The following HDAC4 variants were observed in gnomAD, a reference collection of about 807,000 sequenced individuals.
HDAC4 encodes the protein histone deacetylase 4.
HDAC4 carries 16 observed loss-of-function variants against 135.1 expected under a neutral mutation model. The ratio of observed to expected loss-of-function variants is 0.12; its 90% CI spans 0.08 to 0.18. HDAC4 has a LOEUF of 0.18. HDAC4 is among the 10% of genes least tolerant of loss of function. The pLI is 1.00. For synonymous variants in HDAC4, 685 were observed against 653.4 expected (o/e 1.05, Z -0.74); for missense variants, 1,143 against 1,511.8 (o/e 0.76, Z 4.05).
chr2:239,089,291 A>AT (rs1559404012), intron 18 of HDAC4, among the ~76,000 whole-genome samples: 1 of 152,208 alleles, frequency 6.6e-6, no homozygotes, highest in African/African-American at 2.4e-5. Flanking sequence ...GTCCACAGGC[A>AT]AGACATTAGT....
At chr2:239,236,834 T>C (rs78143133) in intron 2 of HDAC4, among the ~76,000 whole-genome samples, 170 bp from the exon 3 acceptor site, 2 of 69,734 alleles carry the variant, frequency 2.9e-5, no homozygotes, top group Non-Finnish European at 5.0e-5. Flanking sequence ...TATTTGCCAA[T>C]GTAGAATAAT....
chr2:239,096,544 TGCCCACGCCCCCCACAGAC>T (rs1182002883), intron 16 of HDAC4, among the ~76,000 whole-genome samples: 1 of 53,748 alleles, frequency 1.9e-5, no homozygotes, highest in Admixed American at 2.9e-4. Context: ...CCCCCACGGA[TGCCCACGCCCCCCACAGAC>T]GCCTACACCC....
intron 11 of HDAC4, among the ~76,000 whole-genome samples, chr2:239,129,304 T>C (rs1431179010): frequency 6.6e-6 from 1 of 152,200 alleles, no homozygotes; most frequent in Non-Finnish European, 1.5e-5. Flanking sequence ...TTTGGATCCC[T>C]GAGATCATTA....
chr2:239,246,202 C>T (rs906379331), intron 2 of HDAC4, among the ~76,000 whole-genome samples: 1 of 152,162 alleles, frequency 6.6e-6, no homozygotes, highest in Non-Finnish European at 1.5e-5. Flanking sequence ...AGGCAGAGCC[C>T]GGTGGGGAGG....
intron 9 of HDAC4, among the ~76,000 whole-genome samples, chr2:239,138,005 A>G (rs1047025665): frequency 3.3e-5 from 5 of 152,230 alleles, no homozygotes; most frequent in Non-Finnish European, 7.3e-5. Flanking sequence ...ATTAACTACC[A>G]TGTACATAAG....
intron 5 of HDAC4, among the ~76,000 whole-genome samples, chr2:239,171,169 C>CAAAAAAAAAAAAAAAAAAAAAAA (rs34204026): frequency 1.7e-5 from 2 of 114,384 alleles, no homozygotes; most frequent in Non-Finnish European, 3.7e-5. Context: ...ACAATCTGAC[C>CAAAAAAAAAAAAAAAAAAAAAAA]AAAAAAAAAA....
At chr2:239,259,612 T>C (rs886704624) in intron 2 of HDAC4, among the ~76,000 whole-genome samples, 1 of 152,216 alleles carries the variant, frequency 6.6e-6, no homozygotes, top group African/African-American at 2.4e-5. Context: ...CGGGTTCCAC[T>C]TCAAAGGCTT....
At chr2:239,147,454 G>A (rs1190485894) in intron 7 of HDAC4, among the ~76,000 whole-genome samples, 1 of 152,282 alleles carries the variant, frequency 6.6e-6, no homozygotes, top group Non-Finnish European at 1.5e-5. Context: ...CAGCCAAAGT[G>A]GAAGATGCAG....
At chr2:239,345,903 C>CA (rs1692607975) in intron 2 of HDAC4, among the ~76,000 whole-genome samples, 1 of 150,574 alleles carries the variant, frequency 6.6e-6, no homozygotes, top group African/African-American at 2.5e-5. Context: ...CACACACACA[C>CA]CCCCATCTCA....
chr2:239,351,445 A>G (rs1196266685), intron 2 of HDAC4, among the ~76,000 whole-genome samples: 1 of 152,230 alleles, frequency 6.6e-6, no homozygotes, highest in East Asian at 1.9e-4. Context: ...AGACACAGAA[A>G]AAAGATACAC....
rs961773813 is a variant in HDAC4 at position 239,233,098 on chromosome 2, T to C, written c.94+3495A>G. On this transcript the variant is annotated intron_variant, in intron 3 of 26. Coordinates refer to ENST00000543185, the MANE Select transcript of HDAC4 (RefSeq NM_001378414.1). ...CAAAGATGGAATAATACTAACAACA[T>C]GTCTGTTATATCTTAGTGGTAGGCA... Among the ~76,000 whole-genome samples, 32 of 152,362 alleles carry C rather than the reference T, an allele frequency of 2.1e-4. 1 individual carries two copies. Among genetic ancestry groups the C allele is most frequent in the Admixed American group, 1.0e-3 (16 of 15,310 alleles).
chr2:239,292,599 A>C lies in HDAC4; in HGVS notation c.23-55935T>G, dbSNP rs576216185. Among the ~76,000 whole-genome samples the C allele has an allele frequency of 2.3e-4, 35 of 152,336 alleles. No individual in the cohort carries two copies. In the South Asian group the frequency reaches 6.2e-3, roughly 27 times the overall value. Reference sequence around the variant, plus strand: ...TGCATCTCTTTACTTCCAGAAAAGCAAGTCAATATATCCTATCTGGGAACT... The same window carrying C: ...TGCATCTCTTTACTTCCAGAAAAGCCAGTCAATATATCCTATCTGGGAACT... On this transcript the variant is annotated intron_variant, in intron 2 of 26. Transcript: ENST00000543185.
chr2:239,077,469 C>T (rs1377624013), intron 22 of HDAC4, among the ~76,000 whole-genome samples: 1 of 152,270 alleles, frequency 6.6e-6, no homozygotes, highest in African/African-American at 2.4e-5. Context: ...GCCGGCTCCA[C>T]TGTTCGCTTC....
intron 22 of HDAC4, among the ~76,000 whole-genome samples, chr2:239,070,234 C>T (rs1219984508): frequency 1.3e-5 from 2 of 152,228 alleles, no homozygotes; most frequent in Non-Finnish European, 2.9e-5. Flanking sequence ...AACACCAACA[C>T]ACACAGGTGT....
intron 12 of HDAC4, among the ~76,000 whole-genome samples, chr2:239,122,463 A>G (rs922559141): frequency 6.6e-5 from 10 of 152,138 alleles, no homozygotes; most frequent in African/African-American, 1.9e-4. Flanking sequence ...TCCAAGGTCC[A>G]CTCGCCCTCT....
chr2:239,208,095 G>A (rs1055043091), intron 3 of HDAC4, among the ~76,000 whole-genome samples: 3 of 151,984 alleles, frequency 2.0e-5, no homozygotes, highest in Non-Finnish European at 4.4e-5. Context: ...GGCTGAGACA[G>A]GCGGATCACG....
chr2:239,151,667 A>G (rs1255249628), intron 7 of HDAC4, among the ~76,000 whole-genome samples: 2 of 152,182 alleles, frequency 1.3e-5, no homozygotes, highest in Non-Finnish European at 2.9e-5. Context: ...CCTCCTCCCA[A>G]TTCACACCCA....
Position 239,285,306 on chromosome 2 carries a change from G to A in HDAC4, c.23-48642C>T, listed in dbSNP as rs1446993288. ...GATCCCTGCTGGGAGTGGAGAACGCGCCGCGGCTGGGCCCCCAAGTTCGCG... is the reference window on the plus strand; with the variant it reads ...GATCCCTGCTGGGAGTGGAGAACGCACCGCGGCTGGGCCCCCAAGTTCGCG... On this transcript the variant is annotated intron_variant, in intron 2 of 26. Coordinates refer to ENST00000543185, the MANE Select transcript of HDAC4 (RefSeq NM_001378414.1). The surrounding 1 kb of genome is among the most constrained non-coding windows in gnomAD (Gnocchi z 4.5). 6.6e-6 allele frequency among the ~76,000 whole-genome samples: 1 copy of A among 152,182 alleles called. No individual in the cohort carries two copies. The highest frequency in any genetic ancestry group is 1.9e-4 in the East Asian group (1 of 5,196).
At position 239,370,726 on chromosome 2, in the gene HDAC4, G is replaced by T. The variant is rs147117212; in HGVS notation, c.-219-17808C>A. ...ACCTGCAGCCCTGCGGCGCCTGGAG[G>T]AGCCGAGCAGAGGAGCTGGTTGAGC... On this transcript the variant is annotated intron_variant, in intron 1 of 26. Coordinates refer to ENST00000543185, the MANE Select transcript of HDAC4 (RefSeq NM_001378414.1). 2.0e-5 allele frequency among the ~76,000 whole-genome samples: 3 copies of T among 152,242 alleles called. No individual in the cohort carries two copies. In the East Asian group the frequency reaches 5.8e-4, roughly 29 times the overall value.
Sources: gnomAD v4.1 joint callset for allele counts (sites outside exome capture counted in the v4.1 genomes callset) on GRCh38, gnomAD v4.1.1 for gene constraint, Gnocchi (gnomAD v3.1) non-coding constraint, MANE v1.5 for transcripts, NCBI Gene and HGNC (gene_info 2026-07-23, HGNC 2026-07-21) for gene names.